SLC39A5: variants seen among roughly 807,000 people sequenced by gnomAD.
SLC39A5 encodes the protein zinc transporter ZIP5.
In SLC39A5, 42 loss-of-function variants were observed where a neutral mutation model predicts 46.9. That is an observed-to-expected ratio of 0.90 (90% CI 0.70 to 1.16). SLC39A5 has a LOEUF of 1.16. Among genes scored for constraint, SLC39A5 ranks in the 50% most tolerant of loss-of-function variants. The pLI is 0.00. For synonymous variants in SLC39A5, 311 were observed against 323.1 expected (o/e 0.96, Z 0.40); for missense variants, 677 against 686.8 (o/e 0.99, Z 0.16).
rs371218776 is a variant in SLC39A5, at chr12:56,237,712, C to T, written c.1604C>T (p.Pro535Leu). ...ACCCTGCTGGAGGAGCGGCTACTGC[C>T]CGTGACCACTGAGGGCTGATGGGGC... ...AITLLEERLL[P>L]VTTEG Residue 535 changes from proline to leucine, a missense_variant, in exon 13 of 13, where the codon CCC becomes CTC. By Grantham distance (98) the Pro-to-Leu change is moderately conservative. Coordinates refer to ENST00000454355, the MANE Select transcript of SLC39A5 (RefSeq NM_173596.3). 1 of 1,577,918 alleles carries T rather than the reference C, an allele frequency of 6.3e-7. No individual in the cohort carries two copies. Among genetic ancestry groups the T allele is most frequent in the Non-Finnish European group, 8.6e-7 (1 of 1,163,298 alleles).
At chr12:56,237,451 C>T in intron 12 of SLC39A5, 111 bp downstream of exon 12, 1 of 1,538,010 alleles carries the variant, frequency 6.5e-7, no homozygotes, top group Non-Finnish European at 8.8e-7. Context: ...GGGCGTCAGA[C>T]CATAGGCCCG....
rs2135857817 is a variant in SLC39A5, at chr12:56,235,191, C to T, written c.669C>T (p.Leu223=). ...LLQSALAVLL[L]SLPSPLSLLL... ...AGAGTGCCCTGGCAGTCCTGTTGCT[C>T]AGCCTCCCTTCTCCCCTATCCCTGC... The change falls in exon 7 of 13, where the codon CTC becomes CTT. Residue 223 remains leucine, a synonymous_variant. Coordinates refer to ENST00000454355, the MANE Select transcript of SLC39A5 (RefSeq NM_173596.3). The T allele has an allele frequency of 6.4e-7, 1 of 1,560,040 alleles. No homozygotes were observed. Among genetic ancestry groups the T allele is most frequent in the Non-Finnish European group, 8.7e-7 (1 of 1,154,062 alleles).
Position 56,237,140 on chromosome 12 carries a change from T to C in SLC39A5, c.1289-10T>C, listed in dbSNP as rs754643129. ...TTACTCCCTCCCATCCTGTCCTCTGTCTCCAATAGGTGACTTTGCCATGCT... is the reference window on the plus strand; with the variant it reads ...TTACTCCCTCCCATCCTGTCCTCTGCCTCCAATAGGTGACTTTGCCATGCT... On this transcript the variant is annotated splice_polypyrimidine_tract_variant and intron_variant, in intron 11 of 12. Transcript: ENST00000454355. 3.1e-6 allele frequency: 5 copies of C among 1,613,726 alleles called. No homozygotes were observed. In the East Asian group the frequency reaches 1.1e-4, roughly 36 times the overall value.
rs578116860 is a variant in SLC39A5, at chr12:56,236,979, C to T, written c.1256C>T (p.Ala419Val). 74 of 1,614,108 alleles carry T rather than the reference C, an allele frequency of 4.6e-5. No homozygotes were observed. The highest frequency in any genetic ancestry group is 3.7e-4 in the Admixed American group (22 of 60,016). The change falls in exon 11 of 13, where the codon GCG (alanine) becomes GTG (valine). Residue 419 changes from alanine (A) to valine (V), a missense_variant. Transcript: ENST00000454355. ...GFSSGLSTTL[A>V]VFCHELPHEL... The stretch of plus-strand genomic sequence containing the variant: ...TCCAGCGGCCTCAGTACCACCTTAG[C>T]GGTCTTCTGCCATGAGCTGCCCCAC...
chr12:56,236,917 C>T lies in SLC39A5; in HGVS notation c.1208-14C>T. 6.2e-7 allele frequency: 1 copy of T among 1,613,894 alleles called. No individual in the cohort carries two copies. The highest frequency in any genetic ancestry group is 1.1e-5 in the South Asian group (1 of 91,056). On this transcript the variant is annotated splice_polypyrimidine_tract_variant and intron_variant, in intron 10 of 12. Coordinates refer to ENST00000454355, the MANE Select transcript of SLC39A5 (RefSeq NM_173596.3). ...TTCTTCTGGACTGACAACTTCCGAC[C>T]CTGCTGGCCCCAGGTGCTGCCTTCT...
At position 56,235,227 on chromosome 12, in the gene SLC39A5, G is replaced by A; in HGVS notation, c.705G>A (p.Arg235=). Residue 235 remains arginine, a synonymous_variant, in exon 7 of 13, where the codon CGG becomes CGA. Transcript: ENST00000454355. ...CTCCCCTATCCCTGCTGCTGCTGCGGCTCCTGGGACCTCGTCTACTACGGC... is the reference window on the plus strand; with the variant it reads ...CTCCCCTATCCCTGCTGCTGCTGCGACTCCTGGGACCTCGTCTACTACGGC... The part of the protein sequence containing the change: ...LPSPLSLLLL[R]LLGPRLLRPL... The A allele has an allele frequency of 1.3e-6, 2 of 1,585,034 alleles. No homozygotes were observed. The highest frequency in any genetic ancestry group is 8.6e-7 in the Non-Finnish European group (1 of 1,167,342).
chr12:56,235,337 C>T lies in SLC39A5; in HGVS notation c.804+11C>T, dbSNP rs754587383. 9 of 1,512,016 alleles carry T rather than the reference C, an allele frequency of 6.0e-6. No individual in the cohort carries two copies. The highest frequency in any genetic ancestry group is 7.9e-6 in the Non-Finnish European group (9 of 1,137,116). 93.7% of individuals were successfully genotyped at this position (1,512,016 alleles called of 1,614,324 possible). On this transcript the variant is annotated intron_variant, in intron 7 of 12. Transcript: ENST00000454355. Reference sequence around the variant, plus strand: ...CATCTGCTACCGCATGTATGTGAAGCCCCTTCCTTGTACCCCTGGCCTCCA... The same window carrying T: ...CATCTGCTACCGCATGTATGTGAAGTCCCTTCCTTGTACCCCTGGCCTCCA...
Position 56,236,624 on chromosome 12 carries a change from C to T in SLC39A5, c.1085C>T (p.Pro362Leu), listed in dbSNP as rs766631337. 1 of 1,613,612 alleles carries T rather than the reference C, an allele frequency of 6.2e-7. No individual in the cohort carries two copies. Among genetic ancestry groups the T allele is most frequent in the South Asian group, 1.1e-5 (1 of 91,056 alleles). The change falls in exon 10 of 13, where the codon CCA (proline) becomes CTA (leucine). Residue 362 changes from proline (P) to leucine (L), a missense_variant. Pro to Leu is a moderately conservative substitution (Grantham distance 98). Transcript: ENST00000454355. ...CAGAGGGAGAAGAACAGCCAGCACC[C>T]ACCAGCTCTGGCCCCTCCTGGGCAC... ...QGQREKNSQH[P>L]PALAPPGHQG...
chr12:56,234,937 C>T lies in SLC39A5; in HGVS notation c.585C>T (p.Arg195=), dbSNP rs746755803. The change falls in exon 6 of 13, where the codon CGC becomes CGT. Residue 195 remains arginine, a synonymous_variant. Coordinates refer to ENST00000454355, the MANE Select transcript of SLC39A5 (RefSeq NM_173596.3). ...CPALLYQIDS[R]VCIGAPAPAP... is the part of the protein sequence containing the mutation. ...CCCTGCTTTATCAGATCGACAGCCGCGTCTGCATCGGCGCTCCGGCCCCTG... is the reference window on the plus strand; with the variant it reads ...CCCTGCTTTATCAGATCGACAGCCGTGTCTGCATCGGCGCTCCGGCCCCTG... The T allele has an allele frequency of 6.4e-5, 104 of 1,613,602 alleles. No homozygotes were observed. The highest frequency in any genetic ancestry group is 4.9e-4 in the Middle Eastern group (3 of 6,082).
rs139208152 is a variant in SLC39A5, at chr12:56,237,228, G to C, written c.1367G>C (p.Gly456Ala). ...LLLSLVSGAL[G>A]LGGAVLGVGL... ...CTGAGCCTCGTGTCTGGAGCCCTGGGATTGGGGGGTGCAGTCCTGGGGGTG... is the reference window on the plus strand; with the variant it reads ...CTGAGCCTCGTGTCTGGAGCCCTGGCATTGGGGGGTGCAGTCCTGGGGGTG... Residue 456 changes from glycine to alanine, a missense_variant, in exon 12 of 13, where the codon GGA becomes GCA. Coordinates refer to ENST00000454355, the MANE Select transcript of SLC39A5 (RefSeq NM_173596.3). 2,241 of 1,613,930 alleles carry C rather than the reference G, an allele frequency of 1.4e-3. 18 individuals carry two copies. The highest frequency in any genetic ancestry group is 8.4e-3 in the Middle Eastern group (51 of 6,062).
In SLC39A5 at chr12:56,237,151, T is replaced by TG. The variant is rs773633117; in HGVS notation, c.1291dup (p.Asp431GlyfsTer109). 1 of 1,613,740 alleles carries TG rather than the reference T, an allele frequency of 6.2e-7. No homozygotes were observed. Among genetic ancestry groups the TG allele is most frequent in the Non-Finnish European group, 8.5e-7 (1 of 1,180,008 alleles). On this transcript the variant is annotated frameshift_variant and splice_region_variant, in exon 12 of 13. Transcript: ENST00000454355. LOFTEE classifies it high-confidence loss of function. ...CATCCTGTCCTCTGTCTCCAATAGG[T>TG]GACTTTGCCATGCTGCTCCAGTCAG...
intron 3 of SLC39A5, 41 bp from the exon 4 acceptor site, chr12:56,231,163 G>A: frequency 3.2e-6 from 4 of 1,253,408 alleles, no homozygotes; most frequent in Non-Finnish European, 4.4e-6. Context: ...ACCTGAGCTG[G>A]AGAGCAGAGC....
rs1380901448 is a variant in SLC39A5 at position 56,231,260 on chromosome 12, C to T, written c.-15C>T. 10 of 1,586,312 alleles carry T rather than the reference C, an allele frequency of 6.3e-6. No homozygotes were observed. The highest frequency in any genetic ancestry group is 8.6e-6 in the Non-Finnish European group (10 of 1,165,586). ...AGGAGCCAGAACCTGAGCCCCTAAG[C>T]TATTCCCCTCACCAATGATGGGGTC... is the stretch of plus-strand genomic sequence containing the variant. On this transcript the variant is annotated 5_prime_UTR_variant, in exon 4 of 13. Transcript: ENST00000454355.
chr12:56,232,161 C>CTTTTTTTTTTTTTTTTTTTTTTTTT (rs767220492), intron 4 of SLC39A5, among the ~76,000 whole-genome samples: 1 of 117,250 alleles, frequency 8.5e-6, no homozygotes, highest in Non-Finnish European at 1.8e-5. Context: ...CTTTTCTTTT[C>CTTTTTTTTTTTTTTTTTTTTTTTTT]TTTTTTTTTT....
At position 56,237,015 on chromosome 12, in the gene SLC39A5, G is replaced by A; in HGVS notation, c.1288+4G>A. Reference sequence around the variant, plus strand: ...CATGAGCTGCCCCACGAACTGGGTAGGAATGGCAGGAGCAGGGTGGGGTGG... The same window carrying A: ...CATGAGCTGCCCCACGAACTGGGTAAGAATGGCAGGAGCAGGGTGGGGTGG... On this transcript the variant is annotated splice_donor_region_variant and intron_variant, in intron 11 of 12. Transcript: ENST00000454355. 6.2e-7 allele frequency: 1 copy of A among 1,614,088 alleles called. No homozygotes were observed. Among genetic ancestry groups the A allele is most frequent in the African/African-American group, 1.3e-5 (1 of 75,046 alleles).
Position 56,230,221 on chromosome 12 carries a change from G to GT in SLC39A5, c.-170-16dup, listed in dbSNP as rs1449502077. ...ACATCAGAGGAGAGCCCAGATCCTT[G>GT]TTTCCTCTCCCCCCGCAGGGCTTCC... On this transcript the variant is annotated intron_variant, in intron 1 of 12. Coordinates refer to ENST00000454355, the MANE Select transcript of SLC39A5 (RefSeq NM_173596.3). The GT allele has an allele frequency of 6.5e-6, 1 of 152,734 alleles. No individual in the cohort carries two copies. The highest frequency in any genetic ancestry group is 2.1e-4 in the South Asian group (1 of 4,828). The allele number at this position is 152,734 out of a possible 1,614,324, so 9.5% of individuals were successfully genotyped here. A position where few individuals can be genotyped will look rare whatever the true frequency, so the allele number is the denominator to read the frequency against.
At chr12:56,231,696 C>T in intron 4 of SLC39A5, 135 bp downstream of exon 4, 1 of 869,610 alleles carries the variant, frequency 1.1e-6, no homozygotes, top group Non-Finnish European at 1.7e-6. Flanking sequence ...TCCTTGGTAT[C>T]TCTTCAAAAC....
intron 5 of SLC39A5, among the ~76,000 whole-genome samples, chr12:56,233,995 T>C (rs1318347334): frequency 2.0e-5 from 3 of 152,166 alleles, no homozygotes; most frequent in Non-Finnish European, 4.4e-5. Flanking sequence ...TTGCATCAAA[T>C]TGAATACCTG....
At position 56,236,636 on chromosome 12, in the gene SLC39A5, CCCCTCCTGGGCA is replaced by C. The variant is rs1870799297; in HGVS notation, c.1100_1111del (p.Pro367_His370del). 1 of 1,613,566 alleles carries C rather than the reference CCCCTCCTGGGCA, an allele frequency of 6.2e-7. No individual in the cohort carries two copies. Among genetic ancestry groups the C allele is most frequent in the African/African-American group, 1.3e-5 (1 of 74,934 alleles). The stretch of plus-strand genomic sequence containing the variant: ...AACAGCCAGCACCCACCAGCTCTGG[CCCCTCCTGGGCA>C]CCAAGGCCACAGTCATGGGCACCAG... On this transcript the variant is annotated inframe_deletion, in exon 10 of 13. Coordinates refer to ENST00000454355, the MANE Select transcript of SLC39A5 (RefSeq NM_173596.3).
Sources: allele counts gnomAD v4.1 joint callset (sites outside exome capture counted in the v4.1 genomes callset), GRCh38; gene constraint gnomAD v4.1.1; transcripts MANE v1.5; gene names NCBI Gene and HGNC (gene_info 2026-07-23, HGNC 2026-07-21).